Variants in ADAM2 observed in about 807,000 individuals in gnomAD.
ADAM2 encodes the protein disintegrin and metalloproteinase domain-containing protein 2.
ADAM2 carries 101 observed loss-of-function variants against 99.3 expected under a neutral mutation model. The ratio of observed to expected loss-of-function variants is 1.02; its 90% CI spans 0.87 to 1.20. The LOEUF is 1.20. Among genes scored for constraint, ADAM2 ranks in the 50% most tolerant of loss-of-function variants. The pLI, the probability that ADAM2 is intolerant of heterozygous loss-of-function variation, is 0.00. For synonymous variants in ADAM2, 323 were observed against 287.6 expected (o/e 1.12, Z -1.25); for missense variants, 948 against 878.7 (o/e 1.08, Z -1.00).
At chr8:39,791,720 T>G (rs1304831147) in intron 7 of ADAM2, among the ~76,000 whole-genome samples, 1 of 152,066 alleles carries the variant, frequency 6.6e-6, no homozygotes, top group Admixed American at 6.6e-5. Flanking sequence ...GGTGCTCCAT[T>G]AGACAGACAA....
intron 3 of ADAM2, among the ~76,000 whole-genome samples, chr8:39,830,060 A>G (rs1805555598): frequency 6.6e-6 from 1 of 152,188 alleles, no homozygotes; most frequent in Non-Finnish European, 1.5e-5. Flanking sequence ...CAGTCAATAT[A>G]TGTGTAAAGT....
chr8:39,791,509 C>T (rs1803711686), intron 7 of ADAM2, among the ~76,000 whole-genome samples: 2 of 152,030 alleles, frequency 1.3e-5, no homozygotes, highest in African/African-American at 4.8e-5. Flanking sequence ...GTGGCTATCC[C>T]TGTAACCCAT....
intron 2 of ADAM2, among the ~76,000 whole-genome samples, chr8:39,835,204 T>C (rs1805771742): frequency 6.6e-6 from 1 of 152,154 alleles, no homozygotes; most frequent in African/African-American, 2.4e-5. Context: ...TCTTCTTCTT[T>C]TCTCCCCTAT....
chr8:39,798,102 T>C (rs1018070160), intron 7 of ADAM2, among the ~76,000 whole-genome samples: 1 of 152,250 alleles, frequency 6.6e-6, no homozygotes, highest in South Asian at 2.1e-4. Context: ...AGACAGGGCA[T>C]CCTTGGCTTG....
chr8:39,753,677 C>T (rs1437949582), intron 16 of ADAM2, among the ~76,000 whole-genome samples: 1 of 152,180 alleles, frequency 6.6e-6, no homozygotes, highest in Non-Finnish European at 1.5e-5. Flanking sequence ...CCCAGCCACT[C>T]TAGCTATGGC....
chr8:39,802,241 G>A (rs774269329), intron 7 of ADAM2, among the ~76,000 whole-genome samples: 1 of 152,140 alleles, frequency 6.6e-6, no homozygotes, highest in Non-Finnish European at 1.5e-5. Context: ...CCCCTTCCCC[G>A]TGCGGCTCTC....
At chr8:39,795,468 T>A (rs1803899611) in intron 7 of ADAM2, among the ~76,000 whole-genome samples, 1 of 152,160 alleles carries the variant, frequency 6.6e-6, no homozygotes, top group African/African-American at 2.4e-5. Context: ...TCCACAACCC[T>A]TAATTGGAAA....
chr8:39,757,104 G>C (rs183560585), intron 15 of ADAM2, among the ~76,000 whole-genome samples: 2 of 152,100 alleles, frequency 1.3e-5, no homozygotes, highest in South Asian at 2.1e-4. Context: ...TACAGCAAAG[G>C]TCTATTTCCT....
At chr8:39,818,163 A>T (rs947839910) in intron 6 of ADAM2, 2 of 152,030 alleles carry the variant, frequency 1.3e-5, no homozygotes, top group African/African-American at 4.8e-5. Flanking sequence ...ATAAATATAA[A>T]TGAAAAAAAT....
intron 14 of ADAM2, among the ~76,000 whole-genome samples, chr8:39,763,064 A>T (rs1252417729): frequency 1.3e-5 from 2 of 152,238 alleles, no homozygotes; most frequent in African/African-American, 4.8e-5. Context: ...AAGAGGTCAC[A>T]TCTCCGTTGG....
At chr8:39,820,390 C>T (rs1016840501) in intron 6 of ADAM2, among the ~76,000 whole-genome samples, 1 of 152,128 alleles carries the variant, frequency 6.6e-6, no homozygotes, top group African/African-American at 2.4e-5. Context: ...AATTCCTAAC[C>T]TCCCATGGTA....
chr8:39,828,874 T>C (rs971880938), intron 3 of ADAM2, among the ~76,000 whole-genome samples: 6 of 151,844 alleles, frequency 4.0e-5, no homozygotes, highest in Non-Finnish European at 8.9e-5. Context: ...ACATCTATGA[T>C]GAGGAAAAAG....
At chr8:39,807,167 T>A (rs370562260) in intron 7 of ADAM2, among the ~76,000 whole-genome samples, 2 of 152,240 alleles carry the variant, frequency 1.3e-5, no homozygotes, top group African/African-American at 2.4e-5. Context: ...TCTTGAGGCT[T>A]ACAATCTAAG....
chr8:39,810,702 T>A (rs1158274081), intron 6 of ADAM2, among the ~76,000 whole-genome samples: 1 of 152,084 alleles, frequency 6.6e-6, no homozygotes, highest in Non-Finnish European at 1.5e-5. Context: ...CATAACGAAA[T>A]GAAGGCAGAA....
At chr8:39,765,405 T>G (rs1802533586) in intron 14 of ADAM2, among the ~76,000 whole-genome samples, 2 of 152,236 alleles carry the variant, frequency 1.3e-5, no homozygotes, top group Non-Finnish European at 2.9e-5. Flanking sequence ...CCACTGATAC[T>G]ACAATGATAC....
intron 16 of ADAM2, among the ~76,000 whole-genome samples, chr8:39,752,292 T>C (rs1801980421): frequency 6.6e-6 from 1 of 151,940 alleles, no homozygotes; most frequent in Non-Finnish European, 1.5e-5. Context: ...AGAAAAACGG[T>C]GATATAGAAA....
intron 7 of ADAM2, among the ~76,000 whole-genome samples, chr8:39,789,489 A>G (rs1235538789): frequency 1.3e-5 from 2 of 151,832 alleles, no homozygotes; most frequent in African/African-American, 2.4e-5. Flanking sequence ...CAGAATGTCC[A>G]TAACAATTTT....
At chr8:39,807,590 G>T (rs993241240) in intron 7 of ADAM2, among the ~76,000 whole-genome samples, 1 of 152,142 alleles carries the variant, frequency 6.6e-6, no homozygotes, top group African/African-American at 2.4e-5. Flanking sequence ...GGCCCCTCAA[G>T]ATGAGATTAG....
chr8:39,763,170 T>C (rs1802438764), intron 14 of ADAM2, among the ~76,000 whole-genome samples: 1 of 151,990 alleles, frequency 6.6e-6, no homozygotes, highest in African/African-American at 2.4e-5. Flanking sequence ...TGTTACCAGG[T>C]GGCTAGGGCT....
Sources: allele counts gnomAD v4.1 joint callset (sites outside exome capture counted in the v4.1 genomes callset), GRCh38; gene constraint gnomAD v4.1.1; transcripts MANE v1.5; gene names NCBI Gene and HGNC (gene_info 2026-07-23, HGNC 2026-07-21).